Variants in MOV10L1 observed in about 807,000 individuals in gnomAD.
MOV10L1 encodes the protein RNA helicase Mov10l1.
Under a neutral mutation model 143.8 loss-of-function variants are expected in MOV10L1, and 110 were observed. That is an observed-to-expected ratio of 0.76 (90% CI 0.66 to 0.90). The LOEUF (loss-of-function observed/expected upper bound fraction) is 0.90, where lower values mean the gene tolerates loss of function less well. Ranked by LOEUF, MOV10L1 falls within the 40% of genes least tolerant of loss-of-function variation. The probability of loss-of-function intolerance (pLI) is 0.00; values close to 1 mark genes in which losing one functional copy is unlikely to be tolerated. For synonymous variants in MOV10L1, 593 were observed against 581.1 expected, an observed-to-expected ratio of 1.02 and a Z score of -0.29; for missense variants, 1,406 against 1,526.8, an observed-to-expected ratio of 0.92 and a Z score of 1.32.
At chr22:50,145,096 C>G (rs2063112584) in intron 18 of MOV10L1, among the ~76,000 whole-genome samples, 1 of 152,052 alleles carries the variant, frequency 6.6e-6, no homozygotes, top group African/African-American at 2.4e-5. Context: ...GTGTGTGCCA[C>G]CACATCCAGC....
At position 50,152,896 on chromosome 22, in the gene MOV10L1, G is replaced by A. The variant is rs73187219; in HGVS notation, c.2893-149G>A. On this transcript the variant is annotated intron_variant, in intron 21 of 26. Transcript: ENST00000262794. This position sits in a 1 kb window ranked among gnomAD's most constrained non-coding sequence, Gnocchi z 4.4. ...TGACCATCATCCAAGGGCTTGGTCT[G>A]GGGGCAGGCGACACACAGGGGCGCA... is the stretch of plus-strand genomic sequence containing the variant. 1.1e-3 allele frequency: 782 copies of A among 715,788 alleles called. 2 individuals carry two copies. The highest frequency in any genetic ancestry group is 1.6e-3 in the Non-Finnish European group (668 of 427,376). 44.3% of individuals were successfully genotyped at this position (715,788 alleles called of 1,614,324 possible). A position where few individuals can be genotyped will look rare whatever the true frequency, so the allele number is the denominator to read the frequency against.
chr22:50,138,968 C>G (rs1238122113), intron 15 of MOV10L1, among the ~76,000 whole-genome samples: 3 of 151,620 alleles, frequency 2.0e-5, no homozygotes, highest in African/African-American at 7.3e-5. Context: ...TCCCATAGTG[C>G]TGGGATTACA....
intron 2 of MOV10L1, chr22:50,093,682 A>T (rs2062513487): frequency 6.6e-6 from 1 of 152,018 alleles, no homozygotes; most frequent in Non-Finnish European, 1.5e-5. Flanking sequence ...CTAATTTTTA[A>T]AATTTTTTTG....
chr22:50,120,493 T>C lies in MOV10L1; in HGVS notation c.1455-9T>C. On this transcript the variant is annotated splice_polypyrimidine_tract_variant and intron_variant, in intron 9 of 26. Coordinates refer to ENST00000262794, the MANE Select transcript of MOV10L1 (RefSeq NM_018995.3). ...ACTTATTTTTAACTTGTGAACTTAATTTTTTAAGGAACTCAAGACGACAAC... is the reference window on the plus strand; with the variant it reads ...ACTTATTTTTAACTTGTGAACTTAACTTTTTAAGGAACTCAAGACGACAAC... 6.4e-7 allele frequency: 1 copy of C among 1,561,662 alleles called. No individual in the cohort carries two copies. The highest frequency in any genetic ancestry group is 1.1e-5 in the South Asian group (1 of 88,878).
intron 13 of MOV10L1, among the ~76,000 whole-genome samples, chr22:50,133,046 A>AT (rs1205658696): frequency 7.6e-6 from 1 of 131,826 alleles, no homozygotes; most frequent in Non-Finnish European, 1.7e-5. Context: ...AAAAAAAAAA[A>AT]CCAAAGACAG....
intron 18 of MOV10L1, 44 bp downstream of exon 18, chr22:50,144,287 C>G (rs2063074086): frequency 1.3e-6 from 2 of 1,559,384 alleles, no homozygotes; most frequent in Non-Finnish European, 1.7e-6. Context: ...GAACCCCTCC[C>G]TGGAACATAG....
chr22:50,160,475 G>T (rs1434322039), intron 24 of MOV10L1, among the ~76,000 whole-genome samples: 1 of 151,262 alleles, frequency 6.6e-6, no homozygotes, highest in African/African-American at 2.4e-5. Flanking sequence ...AGATGGTCTC[G>T]ATCTCCTGAC....
intron 10 of MOV10L1, among the ~76,000 whole-genome samples, chr22:50,121,023 C>T (rs1370384365): frequency 6.6e-6 from 1 of 152,212 alleles, no homozygotes; most frequent in East Asian, 1.9e-4. Flanking sequence ...AGCCCAGGTC[C>T]CCACCCACAT....
chr22:50,147,152 A>C, intron 19 of MOV10L1: 3 of 1,590,446 alleles, frequency 1.9e-6, no homozygotes, highest in Non-Finnish European at 1.7e-6. Flanking sequence ...ATGTTCAGGT[A>C]GTGGGAGGAG....
intron 15 of MOV10L1, among the ~76,000 whole-genome samples, chr22:50,135,518 C>T (rs985266738): frequency 4.0e-5 from 6 of 151,526 alleles, no homozygotes; most frequent in South Asian, 2.1e-4. Context: ...TTTGGGAGGC[C>T]GAGGCGGGCA....
chr22:50,145,103 C>T (rs753047373), intron 18 of MOV10L1, among the ~76,000 whole-genome samples: 1 of 151,976 alleles, frequency 6.6e-6, no homozygotes, highest in African/African-American at 2.4e-5. Flanking sequence ...CCACCACATC[C>T]AGCTAATTTT....
At chr22:50,143,491 T>C (rs956241938) in intron 17 of MOV10L1, among the ~76,000 whole-genome samples, 1 of 152,258 alleles carries the variant, frequency 6.6e-6, no homozygotes, top group African/African-American at 2.4e-5. Context: ...GTTACTCTTA[T>C]AGTAGCTACA....
intron 7 of MOV10L1, among the ~76,000 whole-genome samples, chr22:50,114,875 T>C (rs1018468377): frequency 6.6e-6 from 1 of 152,208 alleles, no homozygotes; most frequent in African/African-American, 2.4e-5. Flanking sequence ...CAGGGAAAGA[T>C]TGCTGGGCGC....
At chr22:50,120,261 C>T (rs1282333206) in intron 9 of MOV10L1, among the ~76,000 whole-genome samples, 1 of 152,158 alleles carries the variant, frequency 6.6e-6, no homozygotes, top group Non-Finnish European at 1.5e-5. Flanking sequence ...ACAGCCTGTG[C>T]AGCTACACTT....
At position 50,108,240 on chromosome 22, in the gene MOV10L1, G is replaced by C. The variant is rs751559185; in HGVS notation, c.547G>C (p.Val183Leu). The C allele has an allele frequency of 1.2e-6, 2 of 1,613,046 alleles. No homozygotes were observed. Among genetic ancestry groups the C allele is most frequent in the South Asian group, 2.2e-5 (2 of 90,750 alleles). The change falls in exon 4 of 27, where the codon GTG becomes CTG. Residue 183 changes from valine to leucine, a missense_variant. Physicochemically the swap from Val to Leu is conservative, Grantham distance 32. Around this residue, in one of 3 missense-constraint regions of MOV10L1, gnomAD observed 1,233 missense variants for 1,351.4 expected, o/e 0.91. Transcript: ENST00000262794. ...TSVKPLRYKRVDKVCISSLCG... is the reference protein window; with the variant it reads ...TSVKPLRYKRLDKVCISSLCG... ...AGTGAAGCCACTGAGATACAAGCGC[G>C]TGGACAAGGTAGCGTGCCGACTAGT...
intron 20 of MOV10L1, among the ~76,000 whole-genome samples, chr22:50,150,001 G>A (rs944449366): frequency 5.9e-5 from 9 of 152,230 alleles, no homozygotes; most frequent in South Asian, 4.1e-4. Flanking sequence ...TGAGCCGGCC[G>A]TTCAGTGCCT....
chr22:50,127,217 C>G (rs2062533168), intron 12 of MOV10L1, among the ~76,000 whole-genome samples: 1 of 152,098 alleles, frequency 6.6e-6, no homozygotes, highest in South Asian at 2.1e-4. Flanking sequence ...CCAAAACCTC[C>G]AAAGAAGCAG....
chr22:50,119,393 G>A (rs2062273260), intron 9 of MOV10L1, among the ~76,000 whole-genome samples: 1 of 152,108 alleles, frequency 6.6e-6, no homozygotes, highest in Non-Finnish European at 1.5e-5. Context: ...TGCACTTCCT[G>A]CTAGGACCCC....
At chr22:50,156,736 G>T (rs574558426) in intron 22 of MOV10L1, among the ~76,000 whole-genome samples, 1 of 152,296 alleles carries the variant, frequency 6.6e-6, no homozygotes, top group South Asian at 2.1e-4. Flanking sequence ...GCATTGTATT[G>T]TGTGTATACA....
Sources: allele counts gnomAD v4.1 joint callset (sites outside exome capture counted in the v4.1 genomes callset), GRCh38; gene constraint gnomAD v4.1.1; regional missense constraint gnomAD v4.1.1; non-coding constraint Gnocchi (gnomAD v3.1); transcripts MANE v1.5; gene names NCBI Gene and HGNC (gene_info 2026-07-23, HGNC 2026-07-21).